The following PDE10A variants were observed in gnomAD, a reference collection of about 807,000 sequenced individuals.
PDE10A encodes phosphodiesterase 10A.
A neutral mutation model predicts 97.7 loss-of-function variants in PDE10A; 39 were observed. The observed-to-expected ratio is 0.40, with a 90% CI of 0.31 to 0.52. The LOEUF (loss-of-function observed/expected upper bound fraction) is 0.52. PDE10A is among the 20% of genes least tolerant of loss of function. The pLI, the probability that PDE10A is intolerant of heterozygous loss-of-function variation, is 0.56. For synonymous variants in PDE10A, 371 were observed against 376.8 expected (o/e 0.98, Z 0.18); for missense variants, 731 against 1,047.8 (o/e 0.70, Z 4.17).
At chr6:165,805,942 T>G (rs73031928) in intron 1 of PDE10A, among the ~76,000 whole-genome samples, 1,846 of 150,630 alleles carry the variant, frequency 0.012, 21 homozygotes, top group Non-Finnish European at 0.02. Context: ...CTCTTGTGTA[T>G]CTCAGCCTCC....
chr6:165,393,080 G>A (rs562720587), intron 15 of PDE10A, among the ~76,000 whole-genome samples: 18 of 152,202 alleles, frequency 1.2e-4, no homozygotes, highest in East Asian at 3.9e-4. Flanking sequence ...ACAGTCACCC[G>A]TCACCAGCCC....
At chr6:165,745,044 A>C (rs1460315309) in intron 1 of PDE10A, among the ~76,000 whole-genome samples, 1 of 152,216 alleles carries the variant, frequency 6.6e-6, no homozygotes, top group Non-Finnish European at 1.5e-5. Context: ...AATGTCTGTT[A>C]GTTTTAACAG....
intron 19 of PDE10A, among the ~76,000 whole-genome samples, chr6:165,342,183 A>ATT (rs35997990): frequency 2.9e-4 from 44 of 152,048 alleles, no homozygotes; most frequent in African/African-American, 1.0e-3. Flanking sequence ...GCATACTTAA[A>ATT]TTTTTTATAT....
At chr6:165,846,252 AC>A (rs1228243418) in intron 1 of PDE10A, among the ~76,000 whole-genome samples, 2 of 152,206 alleles carry the variant, frequency 1.3e-5, no homozygotes, top group Non-Finnish European at 2.9e-5. Flanking sequence ...CATGAGCCAC[AC>A]CTTGTGCTTT....
chr6:165,734,612 T>C (rs1792519458), intron 1 of PDE10A, among the ~76,000 whole-genome samples: 1 of 152,110 alleles, frequency 6.6e-6, no homozygotes, highest in Non-Finnish European at 1.5e-5. Flanking sequence ...ATAAACAACA[T>C]ATTGGATAAA....
chr6:165,449,155 T>C (rs973361526), intron 4 of PDE10A, among the ~76,000 whole-genome samples, 178 bp from the exon 5 acceptor site: 4 of 152,190 alleles, frequency 2.6e-5, no homozygotes, highest in Admixed American at 2.6e-4. Context: ...ATAATTAAAA[T>C]ATCCTCTACA....
intron 1 of PDE10A, among the ~76,000 whole-genome samples, chr6:165,805,959 A>C (rs113828077): frequency 5.0e-4 from 73 of 146,730 alleles, no homozygotes; most frequent in African/African-American, 1.7e-3. Context: ...CTCCTTAAAG[A>C]GGTGAATGAG....
At chr6:165,379,399 A>C in intron 17 of PDE10A, 33 bp from the exon 18 acceptor site, 1 of 1,531,038 alleles carries the variant, frequency 6.5e-7, no homozygotes, top group South Asian at 1.1e-5. Flanking sequence ...AACCACCAAT[A>C]ACAAGCACAA....
intron 1 of PDE10A, among the ~76,000 whole-genome samples, chr6:165,615,141 C>T (rs568590279): frequency 4.8e-5 from 7 of 145,402 alleles, no homozygotes; most frequent in South Asian, 4.4e-4. Flanking sequence ...ACCCAGGAGG[C>T]GGAGGTTGCA....
At chr6:165,631,353 T>C (rs758908212) in intron 1 of PDE10A, among the ~76,000 whole-genome samples, 2 of 152,208 alleles carry the variant, frequency 1.3e-5, no homozygotes, top group African/African-American at 2.4e-5. Context: ...TACATGCGTA[T>C]AAAATAAACC....
In PDE10A at chr6:165,339,287, G is replaced by A. The variant is rs779934501; in HGVS notation, c.2967C>T (p.Pro989=). 6.3e-7 allele frequency: 1 copy of A among 1,592,028 alleles called. No homozygotes were observed. Among genetic ancestry groups the A allele is most frequent in the Non-Finnish European group, 8.6e-7 (1 of 1,160,574 alleles). The change falls in exon 20 of 22, where the codon CCC becomes CCT. Residue 989 remains proline (P), a synonymous_variant. Coordinates refer to ENST00000539869, the MANE Select transcript of PDE10A (RefSeq NM_001385079.1). ...MMDRDKKDEV[P]QGQLGFYNAV... ...CTTTAATAATTCATACCTGGCCTTG[G>A]GGGACTTCATCCTTCTTGTCTCTGT...
intron 1 of PDE10A, among the ~76,000 whole-genome samples, chr6:165,605,445 C>T (rs1263093096): frequency 6.6e-6 from 1 of 152,200 alleles, no homozygotes; most frequent in Non-Finnish European, 1.5e-5. Context: ...TCCTGTAGTT[C>T]CCAATGTTTC....
chr6:165,470,803 A>G (rs221727), intron 3 of PDE10A, among the ~76,000 whole-genome samples: 112,725 of 152,064 alleles, frequency 0.74, 42,363 homozygotes, highest in African/African-American at 0.88. Flanking sequence ...CTCTGTTTAG[A>G]CCATCCTCCC....
chr6:165,450,944 T>G (rs1313359770), intron 3 of PDE10A, among the ~76,000 whole-genome samples: 1 of 152,196 alleles, frequency 6.6e-6, no homozygotes. Flanking sequence ...AATTTTAACT[T>G]TGTTTCTAAA....
intron 1 of PDE10A, among the ~76,000 whole-genome samples, chr6:165,688,292 G>A (rs1335911062): frequency 1.3e-5 from 2 of 152,132 alleles, no homozygotes; most frequent in Non-Finnish European, 2.9e-5. Flanking sequence ...GAGATGATTG[G>A]TTTACATGCC....
At chr6:165,656,141 G>A (rs960320246) in intron 1 of PDE10A, among the ~76,000 whole-genome samples, 2 of 151,814 alleles carry the variant, frequency 1.3e-5, no homozygotes, top group Admixed American at 1.3e-4. Context: ...TACTACCAAG[G>A]AGGCTGCTTA....
At chr6:165,466,974 C>A (rs1230731650) in intron 3 of PDE10A, among the ~76,000 whole-genome samples, 1 of 152,102 alleles carries the variant, frequency 6.6e-6, no homozygotes, top group Non-Finnish European at 1.5e-5. Flanking sequence ...AAGTGCTAAT[C>A]TAAAGAACAT....
rs1789906690 is a variant in PDE10A, at chr6:165,655,590, C to G, written c.865+6357G>C. On this transcript the variant is annotated intron_variant, in intron 1 of 21. Coordinates refer to ENST00000539869, the MANE Select transcript of PDE10A (RefSeq NM_001385079.1). This position sits in a 1 kb window ranked among gnomAD's most constrained non-coding sequence, Gnocchi z 4.5. ...TTGCTTCTACCATCATCGCCGTGAT[C>G]CAAGTTACCATTGCTCTTGTCTTGA... Among the ~76,000 whole-genome samples, 1 of 152,138 alleles carries G rather than the reference C, an allele frequency of 6.6e-6. No individual in the cohort carries two copies.
At chr6:165,411,169 C>G (rs550491079) in intron 13 of PDE10A, among the ~76,000 whole-genome samples, 2 of 145,032 alleles carry the variant, frequency 1.4e-5, no homozygotes, top group African/African-American at 5.2e-5. Flanking sequence ...TCATGAGAGA[C>G]AACACTAAGG....
Sources: gnomAD v4.1 joint callset for allele counts (sites outside exome capture counted in the v4.1 genomes callset) on GRCh38, gnomAD v4.1.1 for gene constraint, Gnocchi (gnomAD v3.1) non-coding constraint, MANE v1.5 for transcripts, NCBI Gene and HGNC (gene_info 2026-07-23, HGNC 2026-07-21) for gene names.